The following CHRNA7 variants were observed in gnomAD, a reference collection of about 807,000 sequenced individuals.
The protein encoded by CHRNA7 is neuronal acetylcholine receptor subunit alpha-7.
A neutral mutation model predicts 48.0 loss-of-function variants in CHRNA7; 17 were observed. The ratio of observed to expected loss-of-function variants is 0.35; its 90% CI spans 0.24 to 0.53. CHRNA7 has a LOEUF of 0.53. Among genes scored for constraint, CHRNA7 ranks in the 20% least tolerant of loss-of-function variants. The pLI is 0.92. For missense variants in CHRNA7, 155 were observed against 577.7 expected, an observed-to-expected ratio of 0.27 and a Z score of 7.50; for synonymous variants, 75 against 242.3, an observed-to-expected ratio of 0.31 and a Z score of 6.41.
At chr15:32,051,106 C>T (rs1452396791) in intron 2 of CHRNA7, among the ~76,000 whole-genome samples, 1 of 151,558 alleles carries the variant, frequency 6.6e-6, no homozygotes, top group African/African-American at 2.4e-5. Flanking sequence ...GGTCAGGGAC[C>T]CACTTGAGGA....
chr15:32,051,452 C>G (rs938573296), intron 2 of CHRNA7, among the ~76,000 whole-genome samples: 6 of 152,192 alleles, frequency 3.9e-5, no homozygotes, highest in African/African-American at 1.4e-4. Flanking sequence ...ACCCTCCGAG[C>G]CATGTGCGGG....
intron 3 of CHRNA7, among the ~76,000 whole-genome samples, chr15:32,110,204 A>G (rs574019208): frequency 6.6e-6 from 1 of 152,316 alleles, no homozygotes; most frequent in East Asian, 1.9e-4. Flanking sequence ...CCTTGTGCCC[A>G]GGGCAAGGGA....
At chr15:32,148,138 G>A (rs1186266925) in intron 4 of CHRNA7, among the ~76,000 whole-genome samples, 1 of 152,080 alleles carries the variant, frequency 6.6e-6, no homozygotes, top group African/African-American at 2.4e-5. Context: ...TACTATTTAG[G>A]GTCATCCTGA....
At chr15:32,100,945 T>G (rs2050560595) in intron 2 of CHRNA7, 2 of 213,030 alleles carry the variant, frequency 9.4e-6, no homozygotes, top group Non-Finnish European at 1.8e-5. Context: ...AAAACTTGTA[T>G]TTTCACCTAC....
chr15:32,056,255 T>C (rs1198159089), intron 2 of CHRNA7, among the ~76,000 whole-genome samples: 1 of 152,196 alleles, frequency 6.6e-6, no homozygotes, highest in Non-Finnish European at 1.5e-5. Context: ...GAAGATATTT[T>C]TCTGTATTTT....
rs1349307337 is a variant in CHRNA7 at position 32,055,616 on chromosome 15, TTCTGTC to T, written c.195+24582_195+24587del. ...TCATGACCTAAGCATCTCTTATAGG[TTCTGTC>T]TCCCAATACCATCCTAGTGGAAATT... On this transcript the variant is annotated intron_variant, in intron 2 of 9. Coordinates refer to ENST00000306901, the MANE Select transcript of CHRNA7 (RefSeq NM_000746.6). Among the ~76,000 whole-genome samples the T allele has an allele frequency of 2.6e-5, 4 of 152,244 alleles. No individual in the cohort carries two copies. In the East Asian group the frequency reaches 7.7e-4, roughly 29 times the overall value.
Position 32,084,178 on chromosome 15 carries a change from AAAAC to A in CHRNA7, c.196-17119_196-17116del, listed in dbSNP as rs375712332. On this transcript the variant is annotated intron_variant, in intron 2 of 9. Transcript: ENST00000306901. ...ACTCGCTATTTATAAATTTTACAGA[AAAAC>A]AAACATGTTGGAAAACTGCAAGTTT... Among the ~76,000 whole-genome samples, 207 of 152,338 alleles carry A rather than the reference AAAAC, an allele frequency of 1.4e-3. 8 individuals carry two copies. In the South Asian group the frequency reaches 0.041, roughly 31 times the overall value.
At chr15:32,089,731 T>G (rs984842089) in intron 2 of CHRNA7, among the ~76,000 whole-genome samples, 11 of 152,206 alleles carry the variant, frequency 7.2e-5, no homozygotes, top group African/African-American at 2.7e-4. Flanking sequence ...GCAGACTGTT[T>G]TTTCTTGTCT....
intron 2 of CHRNA7, among the ~76,000 whole-genome samples, chr15:32,050,136 T>C (rs1246328656): frequency 6.6e-6 from 1 of 152,238 alleles, no homozygotes; most frequent in African/African-American, 2.4e-5. Flanking sequence ...GGAGTTGCTC[T>C]TCTCGATGAG....
intron 3 of CHRNA7, among the ~76,000 whole-genome samples, chr15:32,110,857 G>T (rs2050751558): frequency 6.6e-6 from 1 of 152,188 alleles, no homozygotes; most frequent in Non-Finnish European, 1.5e-5. Context: ...TCCCAGGTTG[G>T]GGTGGTGCAT....
intron 2 of CHRNA7, among the ~76,000 whole-genome samples, chr15:32,051,102 G>C (rs1044337098): frequency 6.6e-5 from 10 of 151,582 alleles, no homozygotes; most frequent in Non-Finnish European, 1.2e-4. Flanking sequence ...CAGGGGTCAG[G>C]GACCCACTTG....
At chr15:32,044,957 C>T (rs16956151) in intron 2 of CHRNA7, among the ~76,000 whole-genome samples, 39,982 of 152,074 alleles carry the variant, frequency 0.26, 6,418 homozygotes, top group East Asian at 0.6. Flanking sequence ...TCATCCGGTC[C>T]GTTTTCTGTT....
chr15:32,084,818 G>A (rs1273019339), intron 2 of CHRNA7, among the ~76,000 whole-genome samples: 2 of 140,392 alleles, frequency 1.4e-5, no homozygotes, highest in African/African-American at 5.2e-5. Flanking sequence ...TATGCTCATC[G>A]GCTGACCTCT....
intron 4 of CHRNA7, among the ~76,000 whole-genome samples, chr15:32,138,189 C>T (rs1452475294): frequency 6.6e-6 from 1 of 151,738 alleles, no homozygotes; most frequent in Non-Finnish European, 1.5e-5. Context: ...AAATAATTAC[C>T]AAGAAAACAA....
intron 2 of CHRNA7, among the ~76,000 whole-genome samples, chr15:32,098,081 T>C (rs1188889603): frequency 4.6e-5 from 7 of 152,216 alleles, no homozygotes. Flanking sequence ...CTGGGGACTT[T>C]CCACACTCAG....
At chr15:32,119,350 C>T (rs572774426) in intron 4 of CHRNA7, among the ~76,000 whole-genome samples, 1 of 152,354 alleles carries the variant, frequency 6.6e-6, no homozygotes, top group Non-Finnish European at 1.5e-5. Flanking sequence ...GACACACGAT[C>T]ACTTTATATT....
intron 2 of CHRNA7, among the ~76,000 whole-genome samples, chr15:32,077,582 A>G (rs534294400): frequency 6.6e-6 from 1 of 152,146 alleles, no homozygotes; most frequent in Non-Finnish European, 1.5e-5. Flanking sequence ...GTTGATCTGT[A>G]TGTCTTCTTT....
chr15:32,140,641 A>G (rs2051362095), intron 4 of CHRNA7, among the ~76,000 whole-genome samples: 1 of 152,072 alleles, frequency 6.6e-6, no homozygotes, highest in African/African-American at 2.4e-5. Flanking sequence ...ATGGTATCTC[A>G]TTGTGGTTTG....
At chr15:32,079,106 T>C (rs1014090826) in intron 2 of CHRNA7, among the ~76,000 whole-genome samples, 7 of 152,192 alleles carry the variant, frequency 4.6e-5, no homozygotes, top group Non-Finnish European at 1.5e-5. Context: ...AAACATCCCT[T>C]CATGTTAAAA....
Sources: allele counts gnomAD v4.1 joint callset (sites outside exome capture counted in the v4.1 genomes callset), GRCh38; gene constraint gnomAD v4.1.1; transcripts MANE v1.5; gene names NCBI Gene and HGNC (gene_info 2026-07-23, HGNC 2026-07-21).